The following KIF4A variants were observed in gnomAD, a reference collection of about 807,000 sequenced individuals.
KIF4A encodes chromosome-associated kinesin KIF4A.
In KIF4A, 7 loss-of-function variants were observed where a neutral mutation model predicts 105.9. The ratio of observed to expected loss-of-function variants is 0.07; its 90% CI spans 0.04 to 0.12. KIF4A has a LOEUF of 0.12. Ranked by LOEUF, KIF4A falls within the 10% of genes least tolerant of loss-of-function variation. The pLI is 1.00. For synonymous variants in KIF4A, 281 were observed against 331.3 expected (o/e 0.85, Z 1.65); for missense variants, 558 against 929.2 (o/e 0.60, Z 5.19).
intron 8 of KIF4A, 86 bp downstream of exon 8, chrX:70,329,607 C>A: frequency 1.4e-6 from 1 of 702,005 alleles, no homozygotes; most frequent in Non-Finnish European, 2.2e-6. Context: ...AAAAAGCCAG[C>A]TATTTGGACT....
At chrX:70,341,952 T>A in intron 11 of KIF4A, 21 bp downstream of exon 11, 1 of 1,196,989 alleles carries the variant, frequency 8.4e-7, no homozygotes, top group South Asian at 1.9e-5. Flanking sequence ...AAGAATAAAC[T>A]ACTAGCAATC....
intron 7 of KIF4A, among the ~76,000 whole-genome samples, chrX:70,320,744 A>G (rs965299779): frequency 1.8e-5 from 2 of 111,641 alleles, no homozygotes; most frequent in Admixed American, 1.9e-4. Context: ...AGTTAGATGG[A>G]ATAAGTTCTA....
intron 20 of KIF4A, among the ~76,000 whole-genome samples, chrX:70,393,753 G>A (rs1473508007): frequency 2.9e-5 from 3 of 102,408 alleles, no homozygotes; most frequent in Admixed American, 1.1e-4. Flanking sequence ...TAATGTTAAC[G>A]TATTTGTGCC....
intron 5 of KIF4A, among the ~76,000 whole-genome samples, chrX:70,300,770 G>A (rs2085801667): frequency 8.9e-6 from 1 of 112,004 alleles, no homozygotes; most frequent in African/African-American, 3.2e-5. Context: ...TCTGTTACAA[G>A]TGATATGTGA....
intron 7 of KIF4A, among the ~76,000 whole-genome samples, chrX:70,323,836 A>T (rs916075395): frequency 6.5e-5 from 7 of 107,086 alleles, no homozygotes; most frequent in Non-Finnish European, 1.3e-4. Flanking sequence ...TTATTTATTT[A>T]TTTATTTATT....
chrX:70,315,598 G>A (rs1312611524), intron 7 of KIF4A, among the ~76,000 whole-genome samples: 1 of 111,659 alleles, frequency 9.0e-6, no homozygotes, highest in Non-Finnish European at 1.9e-5. Context: ...CTCTGGGACT[G>A]AAGTCTAATG....
intron 10 of KIF4A, among the ~76,000 whole-genome samples, chrX:70,334,879 A>G (rs1207159995): frequency 8.9e-6 from 1 of 111,935 alleles, no homozygotes; most frequent in Non-Finnish European, 1.9e-5. Context: ...TAAATAACTG[A>G]AAATAAAAGG....
intron 7 of KIF4A, among the ~76,000 whole-genome samples, chrX:70,323,181 C>A (rs2147687312): frequency 9.0e-6 from 1 of 111,177 alleles, no homozygotes; most frequent in Admixed American, 9.6e-5. Context: ...CAAATTTGCG[C>A]TCAGTCCCAA....
At chrX:70,304,509 C>G (rs756710532) in intron 7 of KIF4A, among the ~76,000 whole-genome samples, 2 of 109,550 alleles carry the variant, frequency 1.8e-5, no homozygotes, top group Admixed American at 9.8e-5. Flanking sequence ...CCTGAGGAAT[C>G]GCCACACTGA....
In KIF4A at chrX:70,295,452, G is replaced by T. The variant is rs775431896; in HGVS notation, c.236-1546G>T. ...GGCCTCCCAAAGTGCTCGATTGCAG[G>T]CGTGAGCCACCACGCCTGGCCAATA... On this transcript the variant is annotated intron_variant, in intron 3 of 30. Coordinates refer to ENST00000374403, the MANE Select transcript of KIF4A (RefSeq NM_012310.5). 3.1e-3 allele frequency among the ~76,000 whole-genome samples: 340 copies of T among 109,875 alleles called. 2 individuals carry two copies. The highest frequency in any genetic ancestry group is 0.011 in the African/African-American group (332 of 30,230).
chrX:70,308,889 C>T (rs763822563), intron 7 of KIF4A, among the ~76,000 whole-genome samples: 30 of 112,659 alleles, frequency 2.7e-4, no homozygotes, highest in Admixed American at 1.5e-3. Flanking sequence ...GGATTACAGG[C>T]GTGAGCCACC....
intron 7 of KIF4A, among the ~76,000 whole-genome samples, chrX:70,307,172 T>C (rs1041649281): frequency 9.0e-6 from 1 of 111,189 alleles, no homozygotes; most frequent in East Asian, 2.8e-4. Context: ...TGATAATTTT[T>C]TTTTAATTTT....
chrX:70,303,331 T>G lies in KIF4A; in HGVS notation c.778+933T>G, dbSNP rs370141746. On this transcript the variant is annotated intron_variant, in intron 7 of 30. Coordinates refer to ENST00000374403, the MANE Select transcript of KIF4A (RefSeq NM_012310.5). ...ATAGCTTCAGCAGTCTCGTTTGAAA[T>G]TACTCTATGTTCCCTTAGCTATAAT... 4.1e-3 allele frequency among the ~76,000 whole-genome samples: 459 copies of G among 112,401 alleles called. 1 individual carries two copies. Among genetic ancestry groups the G allele is most frequent in the Non-Finnish European group, 6.6e-3 (351 of 53,246 alleles).
At chrX:70,419,345 T>C (rs1338471441) in intron 29 of KIF4A, among the ~76,000 whole-genome samples, 6 of 112,085 alleles carry the variant, frequency 5.4e-5, no homozygotes, top group Non-Finnish European at 9.4e-5. Context: ...CTAAAAGAGA[T>C]ATTGCAAATT....
At chrX:70,327,150 AG>A (rs375628823) in intron 7 of KIF4A, among the ~76,000 whole-genome samples, 276 of 112,129 alleles carry the variant, frequency 2.5e-3, no homozygotes, top group African/African-American at 8.5e-3. Flanking sequence ...CATAGGATTT[AG>A]TACAGGTATT....
At chrX:70,403,158 A>G (rs1474859942) in intron 23 of KIF4A, among the ~76,000 whole-genome samples, 1 of 112,616 alleles carries the variant, frequency 8.9e-6, no homozygotes. Context: ...ATGTCACCTT[A>G]CGTTGTCACA....
chrX:70,401,704 A>T (rs934570345), intron 22 of KIF4A, among the ~76,000 whole-genome samples: 4 of 111,807 alleles, frequency 3.6e-5, no homozygotes, highest in African/African-American at 1.3e-4. Flanking sequence ...CCCAGCTAAA[A>T]TTTTTTTCAG....
At chrX:70,368,080 G>C (rs1345144879) in intron 15 of KIF4A, among the ~76,000 whole-genome samples, 1 of 111,931 alleles carries the variant, frequency 8.9e-6, no homozygotes, top group Non-Finnish European at 1.9e-5. Flanking sequence ...CGTAGTTCTC[G>C]TGCTGTGGTT....
chrX:70,403,823 G>T, intron 23 of KIF4A, 41 bp from the exon 24 acceptor site: 2 of 1,113,528 alleles, frequency 1.8e-6, no homozygotes, highest in Non-Finnish European at 2.4e-6. Context: ...AAGAAAGGTG[G>T]TCATTCTTCA....
Sources: gnomAD v4.1 joint callset for allele counts (sites outside exome capture counted in the v4.1 genomes callset) on GRCh38, gnomAD v4.1.1 for gene constraint, MANE v1.5 for transcripts, NCBI Gene and HGNC (gene_info 2026-07-23, HGNC 2026-07-21) for gene names.